Variants in FAM227A observed in about 807,000 individuals in gnomAD.
FAM227A encodes family with sequence similarity 227 member A.
In FAM227A, 80 loss-of-function variants were observed where a neutral mutation model predicts 74.7. The observed-to-expected ratio is 1.07, with a 90% confidence interval of 0.89 to 1.29. FAM227A has a LOEUF of 1.29. Among genes scored for constraint, FAM227A ranks in the 50% most tolerant of loss-of-function variants. FAM227A has a pLI of 0.00. For synonymous variants in FAM227A, 237 were observed against 241.8 expected, an observed-to-expected ratio of 0.98 and a Z score of 0.19; for missense variants, 654 against 683.4, an observed-to-expected ratio of 0.96 and a Z score of 0.48.
chr22:38,638,786 C>T lies in FAM227A; in HGVS notation c.332G>A (p.Gly111Asp). The T allele has an allele frequency of 6.5e-7, 1 of 1,539,998 alleles. No homozygotes were observed. Among genetic ancestry groups the T allele is most frequent in the Non-Finnish European group, 8.7e-7 (1 of 1,144,090 alleles). The change falls in exon 5 of 17, where the codon GGC (glycine) becomes GAC (aspartate). Residue 111 changes from glycine (G) to aspartate (D), a missense_variant. Transcript: ENST00000535113. Reference sequence around the variant, plus strand: ...AGATCTGGCATGTCTGAGTTCGGAGCCTTTGCAGGAATACTGAGATTTCCT... The same window carrying T: ...AGATCTGGCATGTCTGAGTTCGGAGTCTTTGCAGGAATACTGAGATTTCCT... ...RQRKSQYSCK[G>D]SELRHARSSV... is the part of the protein sequence containing the mutation.
intron 15 of FAM227A, among the ~76,000 whole-genome samples, chr22:38,595,185 C>T (rs1353534881): frequency 6.6e-6 from 1 of 152,202 alleles, no homozygotes; most frequent in Non-Finnish European, 1.5e-5. Flanking sequence ...TTCTGTCCCT[C>T]TTATTATGGG....
At chr22:38,599,653 G>T in intron 14 of FAM227A, 111 bp downstream of exon 14, 1 of 984,140 alleles carries the variant, frequency 1.0e-6, no homozygotes, top group Non-Finnish European at 1.4e-6. Context: ...AGTACACATG[G>T]TGTGCCAGGC....
chr22:38,613,764 T>C (rs2091518442), intron 11 of FAM227A, among the ~76,000 whole-genome samples: 1 of 152,178 alleles, frequency 6.6e-6, no homozygotes, highest in African/African-American at 2.4e-5. Flanking sequence ...TGCTGAGTGC[T>C]TGCATGTAAG....
intron 1 of FAM227A, among the ~76,000 whole-genome samples, chr22:38,655,699 G>A (rs1354777655): frequency 2.6e-5 from 4 of 151,934 alleles, no homozygotes; most frequent in Non-Finnish European, 5.9e-5. Context: ...CACATATGTG[G>A]CCTGCTTTAT....
chr22:38,646,653 TA>T (rs2092245912), intron 2 of FAM227A, among the ~76,000 whole-genome samples: 1 of 151,816 alleles, frequency 6.6e-6, no homozygotes, highest in East Asian at 1.9e-4. Flanking sequence ...TCATTATTAT[TA>T]TTATTTTTTT....
intron 6 of FAM227A, among the ~76,000 whole-genome samples, chr22:38,630,684 C>T (rs2091898956): frequency 6.6e-6 from 1 of 152,158 alleles, no homozygotes; most frequent in South Asian, 2.1e-4. Context: ...AGCTCTTCAA[C>T]AAATATTTAT....
intron 16 of FAM227A, among the ~76,000 whole-genome samples, chr22:38,586,762 G>A (rs989420882): frequency 1.3e-5 from 2 of 151,984 alleles, no homozygotes; most frequent in Non-Finnish European, 2.9e-5. Context: ...TCTGACTCCC[G>A]GGTTCAAGTG....
chr22:38,635,092 A>G (rs2091977554), intron 6 of FAM227A, among the ~76,000 whole-genome samples: 1 of 151,896 alleles, frequency 6.6e-6, no homozygotes, highest in Admixed American at 6.6e-5. Context: ...AAAAATACAA[A>G]TATTAGCTGG....
Position 38,585,886 on chromosome 22 carries a change from TA to T in FAM227A, c.*238del. On this transcript the variant is annotated 3_prime_UTR_variant, in exon 17 of 17. Coordinates refer to ENST00000535113, the MANE Select transcript of FAM227A (RefSeq NM_001013647.2). ...TGTAACATACTTACCAGCATGCACG[TA>T]ATAAAATACTGAAAGAGTAAATCTA... The T allele has an allele frequency of 1.1e-6, 1 of 906,222 alleles. No individual in the cohort carries two copies. The highest frequency in any genetic ancestry group is 1.6e-6 in the Non-Finnish European group (1 of 621,066). The allele number at this position is 906,222 out of a possible 1,614,324, so 56.1% of individuals were successfully genotyped here.
chr22:38,614,129 CTA>C (rs1003280106), intron 11 of FAM227A, among the ~76,000 whole-genome samples: 1 of 152,114 alleles, frequency 6.6e-6, no homozygotes, highest in African/African-American at 2.4e-5. Flanking sequence ...GGTCTCTCAA[CTA>C]TATACTACTT....
At chr22:38,631,394 A>G (rs1444269538) in intron 6 of FAM227A, among the ~76,000 whole-genome samples, 1 of 152,002 alleles carries the variant, frequency 6.6e-6, no homozygotes, top group Non-Finnish European at 1.5e-5. Context: ...CAAAAGGGGG[A>G]GGATGATGAG....
At position 38,583,198 on chromosome 22, in the gene FAM227A, G is replaced by A. The variant is rs1451475081; in HGVS notation, c.*2927C>T. 5.6e-6 allele frequency: 2 copies of A among 359,808 alleles called. No individual in the cohort carries two copies. Among genetic ancestry groups the A allele is most frequent in the African/African-American group, 2.2e-5 (1 of 44,614 alleles). 22.3% of individuals were successfully genotyped at this position (359,808 alleles called of 1,614,324 possible). On this transcript the variant is annotated 3_prime_UTR_variant, in exon 17 of 17. Transcript: ENST00000535113. ...TTTTTTTTTTTTTTTTTGAGATGGAGTTTCACTCTTGTTACCCAGGCTGGA... is the reference window on the plus strand; with the variant it reads ...TTTTTTTTTTTTTTTTTGAGATGGAATTTCACTCTTGTTACCCAGGCTGGA...
intron 11 of FAM227A, among the ~76,000 whole-genome samples, chr22:38,608,425 T>A (rs2091336868): frequency 6.6e-6 from 1 of 151,970 alleles, no homozygotes; most frequent in Non-Finnish European, 1.5e-5. Flanking sequence ...TGGTGCTAAG[T>A]CCTCAGGGAT....
chr22:38,628,505 A>G (rs984309356), intron 7 of FAM227A, among the ~76,000 whole-genome samples, 163 bp from the exon 8 acceptor site: 3 of 152,202 alleles, frequency 2.0e-5, no homozygotes, highest in Non-Finnish European at 4.4e-5. Flanking sequence ...TTTGGGGATA[A>G]GATGTACAAA....
rs1299172451 is a variant in FAM227A, at chr22:38,586,053, G to T, written c.*72C>A. On this transcript the variant is annotated 3_prime_UTR_variant, in exon 17 of 17. Transcript: ENST00000535113. ...TTGGCCACAATTTTCTTATTTTCTT[G>T]TTCCACTCCACCTCGTAGCAGAAAT... 1 of 1,548,868 alleles carries T rather than the reference G, an allele frequency of 6.5e-7. No individual in the cohort carries two copies. The highest frequency in any genetic ancestry group is 2.4e-5 in the East Asian group (1 of 40,920).
chr22:38,600,884 G>A (rs922011331), intron 13 of FAM227A, among the ~76,000 whole-genome samples: 1 of 151,614 alleles, frequency 6.6e-6, no homozygotes, highest in Non-Finnish European at 1.5e-5. Context: ...TCTGGGAGGC[G>A]GAGGTTGCAG....
chr22:38,655,319 CA>C (rs2092377443), intron 1 of FAM227A, among the ~76,000 whole-genome samples: 1 of 151,658 alleles, frequency 6.6e-6, no homozygotes, highest in Non-Finnish European at 1.5e-5. Flanking sequence ...CACCTGAGGT[CA>C]GGAGTTCGAG....
At chr22:38,628,386 C>A (rs1190867484) in intron 7 of FAM227A, 44 bp from the exon 8 acceptor site, 2 of 1,198,128 alleles carry the variant, frequency 1.7e-6, no homozygotes, top group African/African-American at 3.0e-5. Context: ...AAGTCCCTTG[C>A]TGAAACAACT....
intron 10 of FAM227A, among the ~76,000 whole-genome samples, chr22:38,621,248 G>A (rs1391017531): frequency 1.3e-5 from 2 of 151,738 alleles, no homozygotes; most frequent in Non-Finnish European, 2.9e-5. Flanking sequence ...TACTTGGGAG[G>A]CTGAGGCTCA....
Sources: allele counts gnomAD v4.1 joint callset (sites outside exome capture counted in the v4.1 genomes callset), GRCh38; gene constraint gnomAD v4.1.1; transcripts MANE v1.5; gene names NCBI Gene and HGNC (gene_info 2026-07-23, HGNC 2026-07-21).